Variants in MYT1L observed in about 807,000 individuals in gnomAD.
MYT1L encodes myelin transcription factor 1-like protein.
Under a neutral mutation model 126.7 loss-of-function variants are expected in MYT1L, and 12 were observed. The observed-to-expected ratio is 0.09, with a 90% confidence interval of 0.06 to 0.15. The LOEUF (loss-of-function observed/expected upper bound fraction) is 0.15, where lower values mean the gene tolerates loss of function less well. Among genes scored for constraint, MYT1L ranks in the 10% least tolerant of loss-of-function variants. MYT1L has a pLI of 1.00. For synonymous variants in MYT1L, 541 were observed against 604.2 expected (o/e 0.90, Z 1.53); for missense variants, 979 against 1,585.2 (o/e 0.62, Z 6.49).
chr2:2,178,795 G>A (rs990749223), intron 2 of MYT1L, among the ~76,000 whole-genome samples: 6 of 152,134 alleles, frequency 3.9e-5, no homozygotes, highest in Non-Finnish European at 8.8e-5. Context: ...AAACCCTAAC[G>A]AACCTGTACA....
intron 14 of MYT1L, among the ~76,000 whole-genome samples, chr2:1,899,005 C>A (rs955805092): frequency 6.6e-6 from 1 of 152,158 alleles, no homozygotes; most frequent in Non-Finnish European, 1.5e-5. Context: ...AAGGTCTGAG[C>A]GCTGGAGAAT....
At chr2:2,200,251 A>T (rs1380203197) in intron 2 of MYT1L, among the ~76,000 whole-genome samples, 1 of 152,184 alleles carries the variant, frequency 6.6e-6, no homozygotes, top group Non-Finnish European at 1.5e-5. Flanking sequence ...CTAGGAAATT[A>T]ATGCAACGTT....
intron 3 of MYT1L, among the ~76,000 whole-genome samples, chr2:2,064,228 C>G (rs901533766): frequency 6.6e-6 from 1 of 152,188 alleles, no homozygotes. Flanking sequence ...CCACTTGGGG[C>G]AAACACGAGG....
chr2:2,129,827 A>G (rs2082144239), intron 3 of MYT1L, among the ~76,000 whole-genome samples: 2 of 150,440 alleles, frequency 1.3e-5, no homozygotes, highest in Admixed American at 1.3e-4. Context: ...AATGGCGTGA[A>G]CCCGGGAGGC....
At chr2:2,189,840 C>G (rs1266730477) in intron 2 of MYT1L, among the ~76,000 whole-genome samples, 1 of 146,044 alleles carries the variant, frequency 6.8e-6, no homozygotes, top group East Asian at 2.0e-4. Context: ...CAGGACGGCA[C>G]GGGGAGAAGC....
intron 9 of MYT1L, among the ~76,000 whole-genome samples, chr2:1,936,604 T>C (rs1017286034): frequency 1.3e-5 from 2 of 152,228 alleles, no homozygotes; most frequent in African/African-American, 4.8e-5. Context: ...GTTTCTATGT[T>C]GGTCTCAGAA....
intron 3 of MYT1L, among the ~76,000 whole-genome samples, chr2:2,084,375 T>C (rs1053662648): frequency 6.6e-6 from 1 of 152,234 alleles, no homozygotes. Flanking sequence ...GACTGCCTTG[T>C]GTGTGAAAAA....
chr2:2,297,821 C>T (rs2095717809), intron 1 of MYT1L, among the ~76,000 whole-genome samples: 2 of 152,212 alleles, frequency 1.3e-5, no homozygotes, highest in African/African-American at 2.4e-5. Context: ...AACAGGAGCC[C>T]CAAATTTTGG....
chr2:2,175,062 T>G (rs116010819), intron 2 of MYT1L, among the ~76,000 whole-genome samples: 1,567 of 152,200 alleles, frequency 0.01, 55 homozygotes, highest in African/African-American at 0.035. Flanking sequence ...GTGTTGTATG[T>G]TGAGTGTGAA....
chr2:1,986,903 C>T (rs2149533464), intron 5 of MYT1L, among the ~76,000 whole-genome samples: 1 of 152,312 alleles, frequency 6.6e-6, no homozygotes, highest in Admixed American at 6.5e-5. Flanking sequence ...CCTACTTTTA[C>T]ATCAAGGAAT....
chr2:2,185,041 G>A (rs920737795), intron 2 of MYT1L, among the ~76,000 whole-genome samples: 1 of 152,134 alleles, frequency 6.6e-6, no homozygotes, highest in Non-Finnish European at 1.5e-5. Context: ...AGGATCCACT[G>A]AGACAGCACA....
intron 1 of MYT1L, among the ~76,000 whole-genome samples, chr2:2,295,492 A>C (rs2095657129): frequency 4.0e-5 from 6 of 149,628 alleles, no homozygotes; most frequent in Admixed American, 2.0e-4. Context: ...CCCAAAGGGA[A>C]TGTGGAGAGT....
rs145104770 is a variant in MYT1L at position 1,909,774 on chromosome 2, C to T, written c.1817+466G>A. Among the ~76,000 whole-genome samples the T allele has an allele frequency of 2.3e-3, 343 of 152,288 alleles. 1 individual carries two copies. Among genetic ancestry groups the T allele is most frequent in the African/African-American group, 7.9e-3 (327 of 41,560 alleles). Reference sequence around the variant, plus strand: ...GGGCATTGGGCGTAACAGGAGGGAGCTCTGCCGGTTTTGCACGCGAGAGCT... The same window carrying T: ...GGGCATTGGGCGTAACAGGAGGGAGTTCTGCCGGTTTTGCACGCGAGAGCT... On this transcript the variant is annotated intron_variant, in intron 13 of 24. Coordinates refer to ENST00000647738, the MANE Select transcript of MYT1L (RefSeq NM_001303052.2).
intron 9 of MYT1L, among the ~76,000 whole-genome samples, chr2:1,933,969 ATTTTTT>A (rs920521570): frequency 3.6e-5 from 4 of 111,756 alleles, no homozygotes; most frequent in African/African-American, 1.0e-4. Context: ...TCTAATTTTG[ATTTTTT>A]TTTTTTTTTT....
chr2:1,931,337 G>T (rs999887060), intron 9 of MYT1L, among the ~76,000 whole-genome samples: 1 of 151,488 alleles, frequency 6.6e-6, no homozygotes, highest in Non-Finnish European at 1.5e-5. Flanking sequence ...CCTCAGCGAT[G>T]CCCATGTCTG....
At chr2:2,156,066 TA>T (rs2086677566) in intron 3 of MYT1L, among the ~76,000 whole-genome samples, 1 of 152,176 alleles carries the variant, frequency 6.6e-6, no homozygotes, top group Admixed American at 6.5e-5. Context: ...GGTGGATAAA[TA>T]AATTTTAAAA....
chr2:2,212,044 A>C (rs2093536771), intron 2 of MYT1L, among the ~76,000 whole-genome samples: 1 of 152,180 alleles, frequency 6.6e-6, no homozygotes, highest in Non-Finnish European at 1.5e-5. Flanking sequence ...AAGCCTCTGC[A>C]TTTCAGACTG....
intron 8 of MYT1L, among the ~76,000 whole-genome samples, chr2:1,961,874 T>C (rs749748395): frequency 6.6e-6 from 1 of 152,200 alleles, no homozygotes; most frequent in South Asian, 2.1e-4. Flanking sequence ...AGAAGAAATA[T>C]GAACTAAGGT....
intron 5 of MYT1L, among the ~76,000 whole-genome samples, chr2:1,983,688 T>C (rs991017837): frequency 2.0e-5 from 3 of 152,200 alleles, no homozygotes; most frequent in Non-Finnish European, 4.4e-5. Flanking sequence ...GCGACTGTCA[T>C]TGGCAGCCTC....
Sources: gnomAD v4.1 joint callset for allele counts (sites outside exome capture counted in the v4.1 genomes callset) on GRCh38, gnomAD v4.1.1 for gene constraint, MANE v1.5 for transcripts, NCBI Gene and HGNC (gene_info 2026-07-23, HGNC 2026-07-21) for gene names.